ST13: variants seen among roughly 807,000 people sequenced by gnomAD.
ST13 encodes the protein ST13 Hsp70 interacting protein.
In ST13, 23 loss-of-function variants were observed where a neutral mutation model predicts 56.7. The observed-to-expected ratio is 0.41, with a 90% CI of 0.29 to 0.57. The LOEUF (loss-of-function observed/expected upper bound fraction) is 0.57, where lower values mean the gene tolerates loss of function less well. Ranked by LOEUF, ST13 falls within the 20% of genes least tolerant of loss-of-function variation. The pLI is 0.36. For missense variants in ST13, 369 were observed against 459.9 expected (o/e 0.80, Z 1.81); for synonymous variants, 132 against 142.4 (o/e 0.93, Z 0.52).
chr22:40,827,781 C>T (rs893237343), intron 10 of ST13, among the ~76,000 whole-genome samples: 1 of 151,964 alleles, frequency 6.6e-6, no homozygotes, highest in Non-Finnish European at 1.5e-5. Flanking sequence ...CTGGGATTAC[C>T]GGTGTGAGCC....
intron 4 of ST13, among the ~76,000 whole-genome samples, chr22:40,842,775 A>G (rs977285543): frequency 1.3e-5 from 2 of 152,228 alleles, no homozygotes; most frequent in Non-Finnish European, 2.9e-5. Flanking sequence ...AAGTAATACC[A>G]TCAATAAACA....
At chr22:40,856,380 C>A (rs375149487) in intron 1 of ST13, 51 bp downstream of exon 1, 103 of 1,520,196 alleles carry the variant, frequency 6.8e-5, no homozygotes, top group Admixed American at 3.0e-4. Flanking sequence ...CTGGCTCCCC[C>A]CTGGGGCCGT....
chr22:40,855,993 TTTAAC>T (rs1425102713), intron 1 of ST13, among the ~76,000 whole-genome samples: 8 of 152,124 alleles, frequency 5.3e-5, no homozygotes, highest in African/African-American at 1.5e-4. Context: ...TTTTGTAACT[TTTAAC>T]TTACTAGTGT....
Position 40,856,637 on chromosome 22 carries a change from A to C in ST13, c.-97T>G, listed in dbSNP as rs903248059. ...CCGCGCAGAAGGGGGCGGCTGCCGC[A>C]AGACAGAACAGACTAGAACCTCCCC... On this transcript the variant is annotated 5_prime_UTR_variant, in exon 1 of 12. Coordinates refer to ENST00000216218, the MANE Select transcript of ST13 (RefSeq NM_003932.5). 105 of 944,836 alleles carry C rather than the reference A, an allele frequency of 1.1e-4. No individual in the cohort carries two copies. Among genetic ancestry groups the C allele is most frequent in the Middle Eastern group, 9.4e-4 (3 of 3,186 alleles). The allele number at this position is 944,836 out of a possible 1,614,324, so 58.5% of individuals were successfully genotyped here.
chr22:40,856,395 C>T (rs748355605), intron 1 of ST13, 36 bp downstream of exon 1: 1 of 1,561,182 alleles, frequency 6.4e-7, no homozygotes, highest in East Asian at 2.2e-5. Flanking sequence ...GGCCGTGCTT[C>T]CCCCGCCCCC....
intron 4 of ST13, 56 bp downstream of exon 4, chr22:40,844,783 C>T: frequency 7.1e-7 from 1 of 1,407,098 alleles, no homozygotes; most frequent in Admixed American, 1.8e-5. Flanking sequence ...ATCATTGCAA[C>T]AGCAGGACCT....
intron 8 of ST13, chr22:40,832,147 C>A: frequency 2.1e-6 from 1 of 470,146 alleles, no homozygotes; most frequent in South Asian, 1.6e-5. Context: ...AGCCACCGCG[C>A]CTGGCCGGAA....
At chr22:40,826,804 T>A in intron 11 of ST13, 138 bp from the exon 12 acceptor site, 1 of 1,039,218 alleles carries the variant, frequency 9.6e-7, no homozygotes, top group Non-Finnish European at 1.4e-6. Context: ...GTGCTTGAAG[T>A]ATCAAAATCA....
intron 4 of ST13, among the ~76,000 whole-genome samples, chr22:40,842,108 G>C (rs73172894): frequency 0.033 from 5,079 of 152,256 alleles, 130 homozygotes; most frequent in South Asian, 0.067. Flanking sequence ...GCCACAGCCA[G>C]CCTTTCATCT....
intron 8 of ST13, 57 bp downstream of exon 8, chr22:40,832,512 G>T: frequency 8.0e-7 from 1 of 1,248,850 alleles, no homozygotes; most frequent in Non-Finnish European, 1.2e-6. Flanking sequence ...CGGGGGCTAA[G>T]CACTACAGCG....
At chr22:40,847,800 G>A (rs2057840043) in intron 3 of ST13, among the ~76,000 whole-genome samples, 3 of 152,016 alleles carry the variant, frequency 2.0e-5, no homozygotes, top group Admixed American at 2.0e-4. Flanking sequence ...TGTAATCTCA[G>A]CACTTTGGGA....
chr22:40,842,051 G>A (rs922509013), intron 4 of ST13, among the ~76,000 whole-genome samples: 2 of 152,102 alleles, frequency 1.3e-5, no homozygotes, highest in African/African-American at 4.8e-5. Flanking sequence ...CTACAGAAAC[G>A]GACAGTTGAG....
rs577234582 is a variant in ST13, at chr22:40,848,223, T to A, written c.244+71A>T. ...TTCTATTACACAGTGCTGATTTAAG[T>A]CACTTTAATAAAAATCAACAAAGTA... On this transcript the variant is annotated intron_variant, in intron 3 of 11. Coordinates refer to ENST00000216218, the MANE Select transcript of ST13 (RefSeq NM_003932.5). The A allele has an allele frequency of 8.1e-5, 89 of 1,096,120 alleles. No homozygotes were observed. In the East Asian group the frequency reaches 2.1e-3, roughly 26 times the overall value. The allele number at this position is 1,096,120 out of a possible 1,614,324, so 67.9% of individuals were successfully genotyped here. A position where few individuals can be genotyped will look rare whatever the true frequency, so the allele number is the denominator to read the frequency against.
intron 2 of ST13, 148 bp from the exon 3 acceptor site, chr22:40,848,517 T>G (rs917074063): frequency 1.6e-6 from 1 of 635,868 alleles, no homozygotes; most frequent in African/African-American, 1.8e-5. Context: ...GAGGCTGGGG[T>G]GGGTGGATCA....
chr22:40,828,395 G>C (rs534163130), intron 10 of ST13, among the ~76,000 whole-genome samples: 1 of 151,610 alleles, frequency 6.6e-6, no homozygotes, highest in Non-Finnish European at 1.5e-5. Context: ...ACGAGGTCAG[G>C]AGATCGAGAC....
intron 2 of ST13, 72 bp downstream of exon 2, chr22:40,850,751 C>T: frequency 1.8e-6 from 2 of 1,111,190 alleles, no homozygotes; most frequent in Non-Finnish European, 2.7e-6. Flanking sequence ...TGGAGAGCAG[C>T]AGTTTAAAAA....
intron 7 of ST13, 181 bp downstream of exon 7, chr22:40,835,377 CTT>C: frequency 4.6e-6 from 2 of 432,856 alleles, no homozygotes; most frequent in Non-Finnish European, 4.2e-6. Flanking sequence ...TTTTAAATTT[CTT>C]TTTTTTTTCT....
chr22:40,843,096 G>C (rs1165542884), intron 4 of ST13, among the ~76,000 whole-genome samples: 1 of 152,188 alleles, frequency 6.6e-6, no homozygotes, highest in East Asian at 1.9e-4. Flanking sequence ...CTCCAGCCTG[G>C]ATGGAAGAGT....
At chr22:40,853,878 G>C (rs2057874842) in intron 1 of ST13, among the ~76,000 whole-genome samples, 1 of 152,134 alleles carries the variant, frequency 6.6e-6, no homozygotes, top group Non-Finnish European at 1.5e-5. Flanking sequence ...GGAGAAAATA[G>C]AGTGGGAGAA....
Sources: allele counts gnomAD v4.1 joint callset (sites outside exome capture counted in the v4.1 genomes callset), GRCh38; gene constraint gnomAD v4.1.1; transcripts MANE v1.5; gene names NCBI Gene and HGNC (gene_info 2026-07-23, HGNC 2026-07-21).